Variants in KCND3 observed in about 807,000 individuals in gnomAD.
KCND3 encodes the protein potassium voltage-gated channel subfamily D member 3, also known as A-type voltage-gated potassium channel KCND3.
In KCND3, 9 loss-of-function variants were observed where a neutral mutation model predicts 51.1. That is an observed-to-expected ratio of 0.18 (90% CI 0.11 to 0.31). The LOEUF (loss-of-function observed/expected upper bound fraction) is 0.31. Among genes scored for constraint, KCND3 ranks in the 10% least tolerant of loss-of-function variants. The pLI is 1.00. For missense variants in KCND3, 526 were observed against 903.8 expected (o/e 0.58, Z 5.36); for synonymous variants, 349 against 368.0 (o/e 0.95, Z 0.59).
chr1:111,981,941 G>A lies in KCND3; in HGVS notation c.786C>T (p.Ile262=), dbSNP rs369172530. Residue 262 remains isoleucine, a synonymous_variant, in exon 2 of 8, where the codon ATC becomes ATT. Coordinates refer to ENST00000302127, the MANE Select transcript of KCND3 (RefSeq NM_001378969.1). This position sits in a 1 kb window ranked among gnomAD's most constrained non-coding sequence, Gnocchi z 6.2. The part of the protein sequence containing the change: ...YRFIRSVMSI[I]DVVAIMPYYI... Reference sequence around the variant, plus strand: ...AGTAGGGCATGATGGCCACCACGTCGATGATGCTCATGACGCTGCGGATGA... The same window carrying A: ...AGTAGGGCATGATGGCCACCACGTCAATGATGCTCATGACGCTGCGGATGA... The A allele has an allele frequency of 6.8e-6, 11 of 1,613,974 alleles. No homozygotes were observed. The East Asian group carries it at 2.0e-4, about 29-fold the overall frequency.
intron 2 of KCND3, among the ~76,000 whole-genome samples, chr1:111,879,968 C>T (rs1557995499): frequency 6.6e-6 from 1 of 152,070 alleles, no homozygotes; most frequent in Non-Finnish European, 1.5e-5. Flanking sequence ...CCTTCATTTC[C>T]TCATTTGAAA....
chr1:111,945,410 A>G (rs747123734), intron 2 of KCND3, among the ~76,000 whole-genome samples: 11 of 152,170 alleles, frequency 7.2e-5, no homozygotes, highest in Non-Finnish European at 1.5e-4. Flanking sequence ...ATCTCCCACT[A>G]ACGGAGCACT....
intron 3 of KCND3, among the ~76,000 whole-genome samples, chr1:111,784,820 G>A (rs549233539): frequency 1.5e-3 from 227 of 152,276 alleles, no homozygotes; most frequent in Non-Finnish European, 2.4e-3. Flanking sequence ...AGAGAGAAGA[G>A]GGAGAGGGAA....
At chr1:111,983,816 A>G (rs1341343777) in intron 1 of KCND3, among the ~76,000 whole-genome samples, 1 of 152,102 alleles carries the variant, frequency 6.6e-6, no homozygotes, top group African/African-American at 2.4e-5. Flanking sequence ...TCTCTAAACC[A>G]CACTGCATAA....
intron 2 of KCND3, among the ~76,000 whole-genome samples, chr1:111,828,189 C>T (rs1666663784): frequency 6.6e-6 from 1 of 151,544 alleles, no homozygotes; most frequent in African/African-American, 2.4e-5. Flanking sequence ...GTTCGCTGGG[C>T]TCAGGGCTGT....
In KCND3 at chr1:111,906,767, G is replaced by A. The variant is rs187531879; in HGVS notation, c.1106+74854C>T. Among the ~76,000 whole-genome samples the A allele has an allele frequency of 1.7e-4, 26 of 152,144 alleles. No homozygotes were observed. The South Asian group carries it at 2.1e-3, about 12-fold the overall frequency. ...TTCCAGATCTCTCTGTGCACAAAGC[G>A]TCCACTCCTTAATCCAGTCTGACCA... On this transcript the variant is annotated intron_variant, in intron 2 of 7. Coordinates refer to ENST00000302127, the MANE Select transcript of KCND3 (RefSeq NM_001378969.1).
intron 2 of KCND3, among the ~76,000 whole-genome samples, chr1:111,821,033 C>A (rs1351347715): frequency 1.3e-5 from 2 of 152,204 alleles, no homozygotes; most frequent in Non-Finnish European, 2.9e-5. Flanking sequence ...TTCTGTTGTT[C>A]TAAGCTAGCT....
intron 3 of KCND3, among the ~76,000 whole-genome samples, chr1:111,781,526 T>G (rs1246436352): frequency 1.3e-5 from 2 of 152,160 alleles, no homozygotes; most frequent in Admixed American, 1.3e-4. Context: ...TGTATATGGT[T>G]TTTTTATTTT....
intron 2 of KCND3, among the ~76,000 whole-genome samples, chr1:111,848,182 T>C (rs1275633832): frequency 6.6e-6 from 1 of 152,206 alleles, no homozygotes; most frequent in African/African-American, 2.4e-5. Context: ...TGGAAGTCCC[T>C]GATACTAAGG....
chr1:111,840,493 CT>C (rs11304608), intron 2 of KCND3, among the ~76,000 whole-genome samples: 48,279 of 147,848 alleles, frequency 0.33, 7,833 homozygotes, highest in East Asian at 0.52. Flanking sequence ...ATAGGTGTGT[CT>C]TTTTTTTTTT....
At chr1:111,826,790 T>C (rs968530267) in intron 2 of KCND3, among the ~76,000 whole-genome samples, 1 of 152,232 alleles carries the variant, frequency 6.6e-6, no homozygotes, top group African/African-American at 2.4e-5. Flanking sequence ...TAACAGCTAA[T>C]GTTTAATGAT....
At position 111,803,010 on chromosome 1, in the gene KCND3, G is replaced by A. The variant is rs140503249; in HGVS notation, c.1107-15904C>T. On this transcript the variant is annotated intron_variant, in intron 2 of 7. Coordinates refer to ENST00000302127, the MANE Select transcript of KCND3 (RefSeq NM_001378969.1). ...CACCTGACTCCCTGAGGCTGTGTGG[G>A]GTGAGGAGGCTCCTCCTGCAGTCCT... Among the ~76,000 whole-genome samples the A allele has an allele frequency of 4.3e-3, 657 of 152,364 alleles. 1 individual carries two copies. The highest frequency in any genetic ancestry group is 7.8e-3 in the Non-Finnish European group (529 of 68,032).
intron 2 of KCND3, among the ~76,000 whole-genome samples, chr1:111,846,275 C>G (rs1667543349): frequency 6.6e-6 from 1 of 152,200 alleles, no homozygotes; most frequent in Admixed American, 6.5e-5. Flanking sequence ...TCCAAACACT[C>G]CGTGTTCTTT....
chr1:111,859,254 AGTT>A (rs1668228091), intron 2 of KCND3, among the ~76,000 whole-genome samples: 1 of 147,608 alleles, frequency 6.8e-6, no homozygotes, highest in African/African-American at 2.5e-5. Flanking sequence ...ACCCTTTTGA[AGTT>A]CTTCTTCTCC....
At chr1:111,930,962 G>C (rs1276149393) in intron 2 of KCND3, among the ~76,000 whole-genome samples, 1 of 152,186 alleles carries the variant, frequency 6.6e-6, no homozygotes, top group Non-Finnish European at 1.5e-5. Context: ...GGAGAGGTGG[G>C]TTCTTTATCC....
At chr1:111,882,904 T>C (rs1310341718) in intron 2 of KCND3, among the ~76,000 whole-genome samples, 1 of 151,982 alleles carries the variant, frequency 6.6e-6, no homozygotes, top group Non-Finnish European at 1.5e-5. Context: ...TTGCTTGGAG[T>C]CCAGAGCAAA....
intron 2 of KCND3, among the ~76,000 whole-genome samples, chr1:111,791,540 C>T (rs1304566864): frequency 1.3e-5 from 2 of 152,240 alleles, no homozygotes; most frequent in Non-Finnish European, 2.9e-5. Flanking sequence ...CCCGACTTTC[C>T]TGTCGCTTAG....
At chr1:111,933,491 C>T (rs2101866985) in intron 2 of KCND3, among the ~76,000 whole-genome samples, 1 of 152,266 alleles carries the variant, frequency 6.6e-6, no homozygotes, top group East Asian at 1.9e-4. Context: ...TTAGGAGCCT[C>T]AGTCTGAATC....
At chr1:111,836,115 T>C (rs1374597914) in intron 2 of KCND3, among the ~76,000 whole-genome samples, 4 of 152,264 alleles carry the variant, frequency 2.6e-5, no homozygotes, top group African/African-American at 9.6e-5. Flanking sequence ...CTTTATGTCC[T>C]GAAGGATGTT....
Sources: allele counts gnomAD v4.1 joint callset (sites outside exome capture counted in the v4.1 genomes callset), GRCh38; gene constraint gnomAD v4.1.1; non-coding constraint Gnocchi (gnomAD v3.1); transcripts MANE v1.5; gene names NCBI Gene and HGNC (gene_info 2026-07-23, HGNC 2026-07-21).